Variants in LRRC7 observed in about 807,000 individuals in gnomAD.
LRRC7 encodes leucine-rich repeat-containing protein 7.
In LRRC7, 23 loss-of-function variants were observed where a neutral mutation model predicts 175.7. The ratio of observed to expected loss-of-function variants is 0.13; its 90% confidence interval spans 0.09 to 0.19. The LOEUF is 0.19. Among genes scored for constraint, LRRC7 ranks in the 10% least tolerant of loss-of-function variants. The pLI, the probability that LRRC7 is intolerant of heterozygous loss-of-function variation, is 1.00. For synonymous variants in LRRC7, 685 were observed against 680.9 expected (o/e 1.01, Z -0.09); for missense variants, 1,354 against 1,904.7 (o/e 0.71, Z 5.38).
At chr1:69,580,943 G>T (rs1022761790) in intron 1 of LRRC7, among the ~76,000 whole-genome samples, 23 of 152,238 alleles carry the variant, frequency 1.5e-4, no homozygotes, top group African/African-American at 5.5e-4. Context: ...GATGATAGAA[G>T]TTAGCCAGAC....
intron 2 of LRRC7, among the ~76,000 whole-genome samples, chr1:69,734,384 T>A (rs1667893336): frequency 6.6e-6 from 1 of 151,894 alleles, no homozygotes; most frequent in African/African-American, 2.4e-5. Context: ...ATTTTTTAAA[T>A]AAATATCATT....
intron 1 of LRRC7, among the ~76,000 whole-genome samples, chr1:69,656,594 T>C (rs1399839491): frequency 7.9e-5 from 12 of 152,012 alleles, no homozygotes; most frequent in Admixed American, 7.9e-4. Context: ...AACTTAAGAC[T>C]TCATAGTTAA....
chr1:69,955,515 G>A (rs1650399530), intron 8 of LRRC7, among the ~76,000 whole-genome samples: 1 of 151,956 alleles, frequency 6.6e-6, no homozygotes, highest in Non-Finnish European at 1.5e-5. Flanking sequence ...GAATGGAAAG[G>A]CAGGTGGCTA....
At chr1:69,617,845 C>A (rs962448676) in intron 1 of LRRC7, among the ~76,000 whole-genome samples, 1 of 152,166 alleles carries the variant, frequency 6.6e-6, no homozygotes, top group East Asian at 1.9e-4. Flanking sequence ...ACAAGCAGTT[C>A]TCCTTATGGA....
intron 4 of LRRC7, among the ~76,000 whole-genome samples, chr1:69,801,285 G>A (rs189486428): frequency 6.6e-6 from 1 of 151,698 alleles, no homozygotes; most frequent in Admixed American, 6.6e-5. Context: ...GTTTCATGAG[G>A]ATTGGTACCA....
intron 1 of LRRC7, among the ~76,000 whole-genome samples, chr1:69,604,139 G>C (rs1647207261): frequency 1.3e-5 from 2 of 152,028 alleles, no homozygotes; most frequent in African/African-American, 4.8e-5. Flanking sequence ...AAAAAGACAA[G>C]CTATGGCTTC....
chr1:69,915,601 G>A (rs1037323908), intron 7 of LRRC7, among the ~76,000 whole-genome samples: 12 of 152,062 alleles, frequency 7.9e-5, no homozygotes, highest in African/African-American at 2.9e-4. Flanking sequence ...TTTTGTCTGA[G>A]AAGTCCTGCC....
intron 1 of LRRC7, among the ~76,000 whole-genome samples, chr1:69,653,401 T>C (rs1302813452): frequency 1.3e-5 from 2 of 151,860 alleles, no homozygotes; most frequent in Non-Finnish European, 2.9e-5. Context: ...ATCGGGGAAA[T>C]GCAACTCAAA....
At chr1:69,967,918 A>C (rs977723905) in intron 8 of LRRC7, among the ~76,000 whole-genome samples, 1 of 152,162 alleles carries the variant, frequency 6.6e-6, no homozygotes, top group Non-Finnish European at 1.5e-5. Context: ...AAAAAATCAC[A>C]ATAGCTCACC....
chr1:69,971,742 A>G (rs1223672519), intron 8 of LRRC7, among the ~76,000 whole-genome samples: 1 of 152,126 alleles, frequency 6.6e-6, no homozygotes, highest in African/African-American at 2.4e-5. Flanking sequence ...AAATACCACC[A>G]TCATTCTTCA....
intron 1 of LRRC7, among the ~76,000 whole-genome samples, chr1:69,634,922 CAAGTATTTAAAATTGCTTGTTTA>C (rs1401812658): frequency 6.6e-6 from 1 of 152,068 alleles, no homozygotes. Context: ...GTCTGACATT[CAAGTATTTAAAATTGCTTGTTTA>C]AACTTTTTAT....
intron 1 of LRRC7, among the ~76,000 whole-genome samples, chr1:69,653,708 A>T (rs1254161944): frequency 1.3e-5 from 2 of 152,034 alleles, no homozygotes; most frequent in Non-Finnish European, 2.9e-5. Context: ...TGCCCTTATG[A>T]TTATTTCAGC....
chr1:70,042,360 G>A (rs1659981149), intron 21 of LRRC7, among the ~76,000 whole-genome samples: 1 of 152,122 alleles, frequency 6.6e-6, no homozygotes, highest in African/African-American at 2.4e-5. Flanking sequence ...CTTTCCCAGT[G>A]AAATTTAATT....
chr1:69,835,103 A>T (rs1220239790), intron 6 of LRRC7, among the ~76,000 whole-genome samples: 6 of 151,956 alleles, frequency 3.9e-5, no homozygotes, highest in African/African-American at 1.4e-4. Flanking sequence ...AGAGTTGGAT[A>T]TAAAAAAAAA....
chr1:69,823,880 G>A (rs973139724), intron 4 of LRRC7, among the ~76,000 whole-genome samples: 2 of 152,072 alleles, frequency 1.3e-5, no homozygotes, highest in Non-Finnish European at 2.9e-5. Context: ...AGAAAACTAA[G>A]GCATTGGGAG....
chr1:69,886,256 C>G (rs1338772414), intron 7 of LRRC7, among the ~76,000 whole-genome samples: 1 of 151,768 alleles, frequency 6.6e-6, no homozygotes, highest in Admixed American at 6.6e-5. Context: ...GAGTCTAAGT[C>G]TCTTTGTAGG....
At chr1:69,678,744 A>G (rs1660113526) in intron 2 of LRRC7, among the ~76,000 whole-genome samples, 1 of 152,140 alleles carries the variant, frequency 6.6e-6, no homozygotes, top group Non-Finnish European at 1.5e-5. Context: ...AAGGCTGTAC[A>G]GTCTGACAGA....
Position 70,131,879 on chromosome 1 carries a change from G to A in LRRC7, c.*9992G>A, listed in dbSNP as rs887532629. ...AATTGAGAGAGTGACATTATCTTAG[G>A]ATAGTAAGAATATTTTAGAATAGTA... On this transcript the variant is annotated 3_prime_UTR_variant, in exon 27 of 27. Coordinates refer to ENST00000651989, the MANE Select transcript of LRRC7 (RefSeq NM_001370785.2). Among the ~76,000 whole-genome samples, 1 of 152,174 alleles carries A rather than the reference G, an allele frequency of 6.6e-6. No individual in the cohort carries two copies. Among genetic ancestry groups the A allele is most frequent in the Non-Finnish European group, 1.5e-5 (1 of 68,040 alleles).
At chr1:69,883,110 T>G (rs375011977) in intron 7 of LRRC7, among the ~76,000 whole-genome samples, 8 of 151,892 alleles carry the variant, frequency 5.3e-5, no homozygotes, top group Non-Finnish European at 7.4e-5. Context: ...ATGATTTATA[T>G]TCCTTTGGGT....
Sources: gnomAD v4.1 joint callset for allele counts (sites outside exome capture counted in the v4.1 genomes callset) on GRCh38, gnomAD v4.1.1 for gene constraint, MANE v1.5 for transcripts, NCBI Gene and HGNC (gene_info 2026-07-23, HGNC 2026-07-21) for gene names.